Variants in PSG3 observed in about 807,000 individuals in gnomAD.
The protein encoded by PSG3 is pregnancy-specific beta-1-glycoprotein 3.
Under a neutral mutation model 47.5 loss-of-function variants are expected in PSG3, and 61 were observed. The ratio of observed to expected loss-of-function variants is 1.28; its 90% CI spans 1.05 to 1.59. The LOEUF (loss-of-function observed/expected upper bound fraction) is 1.59. Among genes scored for constraint, PSG3 ranks in the 40% most tolerant of loss-of-function variants. The probability of loss-of-function intolerance (pLI) is 0.00; values close to 1 mark genes in which losing one functional copy is unlikely to be tolerated. For synonymous variants in PSG3, 263 were observed against 198.4 expected, an observed-to-expected ratio of 1.33 and a Z score of -2.74; for missense variants, 756 against 524.0, an observed-to-expected ratio of 1.44 and a Z score of -4.32.
chr19:42,723,931 G>T lies in PSG3; in HGVS notation c.*40+11C>A. Reference sequence around the variant, plus strand: ...CTGCAGGAACCAGGATAAGAGGAAAGGTCATCATACCTGCCAGTCTTCCTG... The same window carrying T: ...CTGCAGGAACCAGGATAAGAGGAAATGTCATCATACCTGCCAGTCTTCCTG... On this transcript the variant is annotated intron_variant, in intron 6 of 6. Transcript: ENST00000327495. 1.3e-6 allele frequency: 2 copies of T among 1,553,764 alleles called. No homozygotes were observed. The highest frequency in any genetic ancestry group is 1.8e-6 in the Non-Finnish European group (2 of 1,125,262).
rs1969430268 is a variant in PSG3 at position 42,729,323 on chromosome 19, T to A, written c.1043A>T (p.Glu348Val). ...CGCGAAGCAGGACAAGTAGAGGTTT[T>A]CTCCTGAATGGTAATAGGTGAATGA... Reference protein sequence around the residue: ...YPSFTYYHSGENLYLSCFADS... With the variant: ...YPSFTYYHSGVNLYLSCFADS... Residue 348 changes from glutamate to valine, a missense_variant, in exon 5 of 7, where the codon GAA (glutamate) becomes GTA (valine). Transcript: ENST00000327495. The A allele has an allele frequency of 6.2e-7, 1 of 1,614,024 alleles. No individual in the cohort carries two copies. Among genetic ancestry groups the A allele is most frequent in the Admixed American group, 1.7e-5 (1 of 60,008 alleles).
chr19:42,724,567 C>T (rs535372816), intron 5 of PSG3, among the ~76,000 whole-genome samples: 278 of 152,272 alleles, frequency 1.8e-3, no homozygotes, highest in Middle Eastern at 6.8e-3. Context: ...GGAGGATTCC[C>T]CATCAGCCTT....
At chr19:42,734,140 C>G (rs189458723) in intron 2 of PSG3, 1 of 152,112 alleles carries the variant, frequency 6.6e-6, no homozygotes, top group Non-Finnish European at 1.5e-5. Flanking sequence ...TGTGGGTGTG[C>G]GGTTTCAGTT....
At chr19:42,729,424 G>A (rs749649565) in intron 4 of PSG3, 47 bp from the exon 5 acceptor site, 4 of 1,579,602 alleles carry the variant, frequency 2.5e-6, no homozygotes, top group Admixed American at 3.5e-5. Context: ...CCGAGGGAAG[G>A]GGATGCTCCT....
At position 42,721,822 on chromosome 19, in the gene PSG3, G is replaced by A; in HGVS notation, c.*309C>T. On this transcript the variant is annotated 3_prime_UTR_variant, in exon 7 of 7. Coordinates refer to ENST00000327495, the MANE Select transcript of PSG3 (RefSeq NM_021016.4). Reference sequence around the variant, plus strand: ...GGAGAATAAAACATTCAAAGAATCAGCACATTTTCAAATAGAAAATTATGA... The same window carrying A: ...GGAGAATAAAACATTCAAAGAATCAACACATTTTCAAATAGAAAATTATGA... The A allele has an allele frequency of 4.9e-6, 2 of 411,024 alleles. No homozygotes were observed. The allele number at this position is 411,024 out of a possible 1,614,324, so 25.5% of individuals were successfully genotyped here. A position where few individuals can be genotyped will look rare whatever the true frequency, so the allele number is the denominator to read the frequency against.
chr19:42,730,679 A>C (rs1438630601), intron 3 of PSG3, among the ~76,000 whole-genome samples: 1 of 152,158 alleles, frequency 6.6e-6, no homozygotes. Context: ...ATGATGACTT[A>C]CTTGAACCAG....
At position 42,738,735 on chromosome 19, in the gene PSG3, A is replaced by T; in HGVS notation, c.419T>A (p.Phe140Tyr). Residue 140 changes from phenylalanine (F) to tyrosine (Y), a missense_variant, in exon 2 of 7, where the codon TTC (phenylalanine) becomes TAC (tyrosine). Phe to Tyr is a conservative substitution (Grantham distance 22). Transcript: ENST00000327495. ...GTRGETGHFT[F>Y]TLYLETPKPS... ...GTGGAGTCACTCACGGTATAAGGTG[A>T]AGGTGAAATGTCCAGTTTCTCCTCT... is the stretch of plus-strand genomic sequence containing the variant. 2 of 1,613,822 alleles carry T rather than the reference A, an allele frequency of 1.2e-6. No individual in the cohort carries two copies. Among genetic ancestry groups the T allele is most frequent in the Non-Finnish European group, 1.7e-6 (2 of 1,179,798 alleles).
At chr19:42,740,126 G>A (rs1467668447) in intron 1 of PSG3, among the ~76,000 whole-genome samples, 195 bp downstream of exon 1, 1 of 151,958 alleles carries the variant, frequency 6.6e-6, no homozygotes, top group East Asian at 1.9e-4. Context: ...TTAAATTTTT[G>A]TATTTTTAGT....
chr19:42,727,112 T>C (rs972153806), intron 5 of PSG3, among the ~76,000 whole-genome samples: 1 of 152,152 alleles, frequency 6.6e-6, no homozygotes, highest in African/African-American at 2.4e-5. Context: ...TAACACCATG[T>C]ACAAAAAGTA....
intron 3 of PSG3, among the ~76,000 whole-genome samples, chr19:42,730,276 G>T (rs1969451710): frequency 6.6e-6 from 1 of 152,184 alleles, no homozygotes; most frequent in Non-Finnish European, 1.5e-5. Flanking sequence ...TTTCTCAAGT[G>T]TCAATTGAGC....
chr19:42,739,201 C>G, intron 1 of PSG3, 112 bp from the exon 2 acceptor site: 1 of 1,400,032 alleles, frequency 7.1e-7, no homozygotes, highest in Non-Finnish European at 9.7e-7. Flanking sequence ...AAGAGACACA[C>G]ACACACACAT....
At chr19:42,726,870 C>T (rs1217073703) in intron 5 of PSG3, among the ~76,000 whole-genome samples, 3 of 152,202 alleles carry the variant, frequency 2.0e-5, no homozygotes, top group Non-Finnish European at 4.4e-5. Context: ...CTCACACTTC[C>T]TGATTTCAGC....
intron 5 of PSG3, among the ~76,000 whole-genome samples, chr19:42,725,890 C>CAAAAAAAAAAAAA (rs200684147): frequency 9.6e-4 from 65 of 67,990 alleles, no homozygotes; most frequent in African/African-American, 1.5e-3. Context: ...CAACAACAAC[C>CAAAAAAAAAAAAA]AAAAAAAAAA....
Position 42,721,840 on chromosome 19 carries a change from A to G in PSG3, c.*291T>C, listed in dbSNP as rs982443250. 4.8e-6 allele frequency: 2 copies of G among 412,724 alleles called. No individual in the cohort carries two copies. Among genetic ancestry groups the G allele is most frequent in the African/African-American group, 4.1e-5 (2 of 48,652 alleles). 25.6% of individuals were successfully genotyped at this position (412,724 alleles called of 1,614,324 possible). On this transcript the variant is annotated 3_prime_UTR_variant, in exon 7 of 7. Coordinates refer to ENST00000327495, the MANE Select transcript of PSG3 (RefSeq NM_021016.4). ...AGAATCAGCACATTTTCAAATAGAA[A>G]ATTATGAAAACATTGTTTTGACTAT...
rs1485219430 is a variant in PSG3 at position 42,729,957 on chromosome 19, GTGTAGTTC to G, written c.801_808del (p.Glu267AspfsTer22). On this transcript the variant is annotated frameshift_variant, in exon 4 of 7. Coordinates refer to ENST00000327495, the MANE Select transcript of PSG3 (RefSeq NM_021016.4). LOFTEE classifies it high-confidence loss of function. ...CTGACCATTTAGCCACCAAATGTAGGTGTAGTTCTCACTCTTAGGTTCACAGGTGAAGG... is the reference window on the plus strand; with the variant it reads ...CTGACCATTTAGCCACCAAATGTAGGTCACTCTTAGGTTCACAGGTGAAGG... 3 of 1,612,058 alleles carry G rather than the reference GTGTAGTTC, an allele frequency of 1.9e-6. No individual in the cohort carries two copies. The African/African-American group carries it at 4.0e-5, about 22-fold the overall frequency.
At chr19:42,728,095 A>G (rs1476472692) in intron 5 of PSG3, among the ~76,000 whole-genome samples, 2 of 152,186 alleles carry the variant, frequency 1.3e-5, no homozygotes, top group African/African-American at 4.8e-5. Context: ...AGAAAGTAGA[A>G]TGGTGGGTGC....
intron 5 of PSG3, among the ~76,000 whole-genome samples, chr19:42,727,907 G>A (rs750069959): frequency 3.9e-5 from 6 of 152,206 alleles, no homozygotes; most frequent in Admixed American, 6.5e-5. Flanking sequence ...GGCAAATGAG[G>A]TGTATCTATA....
At chr19:42,730,306 C>T (rs1244671722) in intron 3 of PSG3, among the ~76,000 whole-genome samples, 5 of 152,158 alleles carry the variant, frequency 3.3e-5, no homozygotes, top group Non-Finnish European at 7.3e-5. Context: ...GGGTCATGGA[C>T]AGACACGTCA....
At chr19:42,740,181 T>C in intron 1 of PSG3, 140 bp downstream of exon 1, 6 of 1,536,108 alleles carry the variant, frequency 3.9e-6, no homozygotes, top group Non-Finnish European at 5.3e-6. Flanking sequence ...CTTGAACTCC[T>C]GATCTCGTGA....
Sources: allele counts gnomAD v4.1 joint callset (sites outside exome capture counted in the v4.1 genomes callset), GRCh38; gene constraint gnomAD v4.1.1; transcripts MANE v1.5; gene names NCBI Gene and HGNC (gene_info 2026-07-23, HGNC 2026-07-21).